The following TBC1D22B variants were observed in gnomAD, a reference collection of about 807,000 sequenced individuals.
The protein encoded by TBC1D22B is chromosome 6 open reading frame 197.
TBC1D22B carries 32 observed loss-of-function variants against 69.1 expected under a neutral mutation model. The observed-to-expected ratio is 0.46, with a 90% CI of 0.35 to 0.62. The LOEUF (loss-of-function observed/expected upper bound fraction) is 0.62, where lower values mean the gene tolerates loss of function less well. Among genes scored for constraint, TBC1D22B ranks in the 20% least tolerant of loss-of-function variants. The pLI is 0.00. For synonymous variants in TBC1D22B, 206 were observed against 229.8 expected, an observed-to-expected ratio of 0.90 and a Z score of 0.94; for missense variants, 462 against 630.9, an observed-to-expected ratio of 0.73 and a Z score of 2.87.
intron 12 of TBC1D22B, chr6:37,324,223 G>A (rs1003311266): frequency 6.8e-6 from 3 of 443,752 alleles, no homozygotes; most frequent in Admixed American, 4.9e-5. Flanking sequence ...ATGTTCTTTT[G>A]TTGCTCATCA....
At chr6:37,316,553 A>G in intron 10 of TBC1D22B, 150 bp from the exon 11 acceptor site, 1 of 797,428 alleles carries the variant, frequency 1.3e-6, no homozygotes, top group East Asian at 2.5e-5. Flanking sequence ...GGAATCAAAC[A>G]TAAAGGACAG....
intron 12 of TBC1D22B, among the ~76,000 whole-genome samples, chr6:37,329,557 G>A (rs1207777841): frequency 1.3e-5 from 2 of 152,226 alleles, no homozygotes; most frequent in Non-Finnish European, 2.9e-5. Context: ...GATAGATATG[G>A]TATGTATTTG....
chr6:37,263,657 C>T (rs915334990), intron 1 of TBC1D22B, among the ~76,000 whole-genome samples: 2 of 152,216 alleles, frequency 1.3e-5, no homozygotes, highest in Non-Finnish European at 2.9e-5. Flanking sequence ...GATCTCCGCT[C>T]ACTGCAACTT....
Position 37,257,845 on chromosome 6 carries a change from G to T in TBC1D22B, c.-73G>T. ...GGGAAGCGGCCTGGGTTGGCCCTCA[G>T]ATTGCGGGGTCTGGGGGCATCTCGC... On this transcript the variant is annotated 5_prime_UTR_variant, in exon 1 of 13. Coordinates refer to ENST00000373491, the MANE Select transcript of TBC1D22B (RefSeq NM_017772.4). 1 of 1,550,210 alleles carries T rather than the reference G, an allele frequency of 6.5e-7. No homozygotes were observed. Among genetic ancestry groups the T allele is most frequent in the Non-Finnish European group, 8.8e-7 (1 of 1,141,202 alleles).
At chr6:37,317,523 A>G (rs901781557) in intron 12 of TBC1D22B, among the ~76,000 whole-genome samples, 4 of 152,228 alleles carry the variant, frequency 2.6e-5, no homozygotes, top group African/African-American at 7.2e-5. Flanking sequence ...GACAAAGGCT[A>G]TATTAAGAAG....
Position 37,269,602 on chromosome 6 carries a change from C to T in TBC1D22B, c.65C>T (p.Pro22Leu), listed in dbSNP as rs1766417155. Residue 22 changes from proline (P) to leucine (L), a missense_variant, in exon 2 of 13, where the codon CCT (proline) becomes CTT (leucine). Pro to Leu is a moderately conservative substitution (Grantham distance 98). This residue lies in a region of TBC1D22B where 237 missense variants were observed against 255.4 expected (regional missense o/e 0.93). Transcript: ENST00000373491. ...RSAKLPGSIQ[P>L]VYGAQHPPLD... Reference sequence around the variant, plus strand: ...TTTGTTTTTGCTTTTAGCATTCAGCCTGTATATGGAGCACAGCATCCTCCT... The same window carrying T: ...TTTGTTTTTGCTTTTAGCATTCAGCTTGTATATGGAGCACAGCATCCTCCT... 1 of 1,613,982 alleles carries T rather than the reference C, an allele frequency of 6.2e-7. No individual in the cohort carries two copies. Among genetic ancestry groups the T allele is most frequent in the Admixed American group, 1.7e-5 (1 of 59,994 alleles).
At chr6:37,310,773 T>G (rs1317421355) in intron 8 of TBC1D22B, among the ~76,000 whole-genome samples, 1 of 152,258 alleles carries the variant, frequency 6.6e-6, no homozygotes, top group Non-Finnish European at 1.5e-5. Context: ...TTTATTCTTT[T>G]TTGGTGATAA....
rs1210556042 is a variant in TBC1D22B at position 37,313,105 on chromosome 6, C to T, written c.1089+81C>T. The T allele has an allele frequency of 2.7e-6, 3 of 1,116,142 alleles. No individual in the cohort carries two copies. In the African/African-American group the frequency reaches 4.6e-5, roughly 17 times the overall value. The allele number at this position is 1,116,142 out of a possible 1,614,324, so 69.1% of individuals were successfully genotyped here. On this transcript the variant is annotated intron_variant, in intron 9 of 12. Coordinates refer to ENST00000373491, the MANE Select transcript of TBC1D22B (RefSeq NM_017772.4). Reference sequence around the variant, plus strand: ...GGGCTTTGGTTTCTTTCTTGCTCTTCTGTATCAGGCAGGACCACCCACCCA... The same window carrying T: ...GGGCTTTGGTTTCTTTCTTGCTCTTTTGTATCAGGCAGGACCACCCACCCA...
chr6:37,331,471 G>C lies in TBC1D22B; in HGVS notation c.*299G>C, dbSNP rs903335904. On this transcript the variant is annotated 3_prime_UTR_variant, in exon 13 of 13. Coordinates refer to ENST00000373491, the MANE Select transcript of TBC1D22B (RefSeq NM_017772.4). ...CTGGACAAAGAAGGGGAAGGCTCAG[G>C]GTCTCACCTCACATTGTCCCTACAA... 16 of 281,888 alleles carry C rather than the reference G, an allele frequency of 5.7e-5. No individual in the cohort carries two copies. The highest frequency in any genetic ancestry group is 2.8e-4 in the African/African-American group (13 of 46,110). 17.5% of individuals were successfully genotyped at this position (281,888 alleles called of 1,614,324 possible). A position where few individuals can be genotyped will look rare whatever the true frequency, so the allele number is the denominator to read the frequency against.
chr6:37,303,459 C>T (rs1767624490), intron 8 of TBC1D22B, among the ~76,000 whole-genome samples: 1 of 152,174 alleles, frequency 6.6e-6, no homozygotes. Flanking sequence ...TCTTCATTCT[C>T]ACTATGCACG....
intron 2 of TBC1D22B, among the ~76,000 whole-genome samples, chr6:37,275,896 T>G (rs1048036016): frequency 2.6e-5 from 4 of 152,114 alleles, no homozygotes; most frequent in Non-Finnish European, 5.9e-5. Flanking sequence ...GTGGATTCTC[T>G]GCCTTCTCTC....
chr6:37,280,926 A>G (rs1427829303), intron 3 of TBC1D22B, among the ~76,000 whole-genome samples: 1 of 151,752 alleles, frequency 6.6e-6, no homozygotes, highest in Non-Finnish European at 1.5e-5. Context: ...CCTCTGTCTC[A>G]GCTTTGCAGT....
At chr6:37,304,415 TA>T (rs1767649681) in intron 8 of TBC1D22B, among the ~76,000 whole-genome samples, 1 of 152,164 alleles carries the variant, frequency 6.6e-6, no homozygotes, top group African/African-American at 2.4e-5. Context: ...TGAGAACAGA[TA>T]TCCATACCAC....
chr6:37,283,903 A>C (rs73421904), intron 5 of TBC1D22B, among the ~76,000 whole-genome samples: 4,851 of 152,270 alleles, frequency 0.032, 243 homozygotes, highest in African/African-American at 0.11. Context: ...ACTGGCACCA[A>C]CTTACTTGGC....
chr6:37,262,497 C>T (rs536203096), intron 1 of TBC1D22B, among the ~76,000 whole-genome samples: 14 of 152,270 alleles, frequency 9.2e-5, no homozygotes, highest in African/African-American at 2.6e-4. Flanking sequence ...TCGAAATTAC[C>T]TGAGTCTTCC....
rs145639308 is a variant in TBC1D22B at position 37,279,541 on chromosome 6, G to A, written c.351G>A (p.Thr117=). The A allele has an allele frequency of 1.4e-4, 219 of 1,614,214 alleles. No individual in the cohort carries two copies. The African/African-American group carries it at 2.7e-3, about 20-fold the overall frequency. The change falls in exon 3 of 13, where the codon ACG becomes ACA. Residue 117 remains threonine, a synonymous_variant. Transcript: ENST00000373491. ...TAAAACCAGAACGGTCCCAGTCAAC[G>A]ACATCGGACGTCCCTGCCAACTACA... is the stretch of plus-strand genomic sequence containing the variant. ...LRVKPERSQS[T]TSDVPANYKV...
intron 12 of TBC1D22B, among the ~76,000 whole-genome samples, chr6:37,318,699 CTGGG>C (rs1159345319): frequency 6.6e-6 from 1 of 152,046 alleles, no homozygotes; most frequent in Non-Finnish European, 1.5e-5. Context: ...CCTGGAACCC[CTGGG>C]TGGGGGTGCT....
chr6:37,330,039 C>T (rs752401390), intron 12 of TBC1D22B, among the ~76,000 whole-genome samples: 1 of 152,120 alleles, frequency 6.6e-6, no homozygotes, highest in Non-Finnish European at 1.5e-5. Flanking sequence ...CAGCTAGGAG[C>T]AGGGTTTGTA....
Position 37,331,323 on chromosome 6 carries a change from A to G in TBC1D22B, c.*151A>G, listed in dbSNP as rs1268092386. 1.6e-5 allele frequency: 11 copies of G among 706,884 alleles called. No homozygotes were observed. Among genetic ancestry groups the G allele is most frequent in the Non-Finnish European group, 2.6e-5 (11 of 416,852 alleles). The allele number at this position is 706,884 out of a possible 1,614,324, so 43.8% of individuals were successfully genotyped here. ...CCCAGGTCTTAACTTTCTGGCATCC[A>G]CCACTCCATGTCTCTGGATGTGTCA... On this transcript the variant is annotated 3_prime_UTR_variant, in exon 13 of 13. Transcript: ENST00000373491.
Sources: gnomAD v4.1 joint callset for allele counts (sites outside exome capture counted in the v4.1 genomes callset) on GRCh38, gnomAD v4.1.1 for gene constraint, gnomAD v4.1.1 regional missense constraint, MANE v1.5 for transcripts, NCBI Gene and HGNC (gene_info 2026-07-23, HGNC 2026-07-21) for gene names.